The following FBXO15 variants were observed in gnomAD, a reference collection of about 807,000 sequenced individuals.
FBXO15 encodes F-box only protein 15.
Under a neutral mutation model 49.5 loss-of-function variants are expected in FBXO15, and 30 were observed. The observed-to-expected ratio is 0.61, with a 90% confidence interval of 0.45 to 0.82. FBXO15 has a LOEUF of 0.82. Ranked by LOEUF, FBXO15 falls within the 40% of genes least tolerant of loss-of-function variation. The pLI, the probability that FBXO15 is intolerant of heterozygous loss-of-function variation, is 0.00. For missense variants in FBXO15, 591 were observed against 631.5 expected (o/e 0.94, Z 0.69); for synonymous variants, 250 against 232.7 (o/e 1.07, Z -0.68).
chr18:74,085,012 G>A (rs1912676521), intron 8 of FBXO15, among the ~76,000 whole-genome samples: 1 of 152,038 alleles, frequency 6.6e-6, no homozygotes, highest in Admixed American at 6.6e-5. Context: ...ATGTGGAGAT[G>A]TGCCATGTTT....
At chr18:74,076,737 G>A (rs1053449748) in intron 9 of FBXO15, among the ~76,000 whole-genome samples, 2 of 152,182 alleles carry the variant, frequency 1.3e-5, no homozygotes, top group South Asian at 2.1e-4. Context: ...AACTTTCCAC[G>A]GCTCTCAAGA....
intron 3 of FBXO15, among the ~76,000 whole-genome samples, chr18:74,131,438 T>C (rs892194018): frequency 2.6e-5 from 4 of 152,188 alleles, no homozygotes; most frequent in African/African-American, 9.7e-5. Context: ...CACCTGGGTT[T>C]CACTGCCTCT....
intron 3 of FBXO15, among the ~76,000 whole-genome samples, chr18:74,131,963 C>A (rs1163230329): frequency 6.6e-6 from 1 of 152,158 alleles, no homozygotes; most frequent in African/African-American, 2.4e-5. Flanking sequence ...TTTGGAACAC[C>A]ACCTCCTTGA....
chr18:74,084,555 T>C (rs1431594235), intron 8 of FBXO15, among the ~76,000 whole-genome samples: 1 of 152,238 alleles, frequency 6.6e-6, no homozygotes, highest in Non-Finnish European at 1.5e-5. Flanking sequence ...GTGGCTCTCC[T>C]AGAGAGACTA....
rs543649479 is a variant in FBXO15, at chr18:74,107,184, G to C, written c.1138+16184C>G. 4.4e-3 allele frequency among the ~76,000 whole-genome samples: 612 copies of C among 139,988 alleles called. 2 individuals are homozygous for C. The highest frequency in any genetic ancestry group is 0.017 in the African/African-American group (590 of 34,498). The allele number at this position is 139,988 out of a possible 152,430, so 91.8% of individuals were successfully genotyped here. ...TAAATATATTTATGGGGTACACAGT[G>C]ATATTCTGTAAAAAAAAAAAAAACA... On this transcript the variant is annotated intron_variant, in intron 8 of 9. Transcript: ENST00000419743.
chr18:74,102,149 A>C (rs978800750), intron 8 of FBXO15, among the ~76,000 whole-genome samples: 2 of 152,194 alleles, frequency 1.3e-5, no homozygotes, highest in East Asian at 3.8e-4. Context: ...TTTTCACGGC[A>C]AAAGAACAGT....
intron 9 of FBXO15, among the ~76,000 whole-genome samples, chr18:74,081,457 T>C (rs1279748557): frequency 6.6e-6 from 1 of 152,226 alleles, no homozygotes; most frequent in East Asian, 1.9e-4. Context: ...CTCCCACCCA[T>C]GTGGCTAATC....
At chr18:74,073,767 C>T in intron 9 of FBXO15, 37 bp from the exon 10 acceptor site, 1 of 1,564,808 alleles carries the variant, frequency 6.4e-7, no homozygotes, top group Non-Finnish European at 8.6e-7. Context: ...GATAAAAAGG[C>T]CAATCAGACC....
At chr18:74,129,735 A>G in intron 4 of FBXO15, 121 bp from the exon 5 acceptor site, 1 of 764,858 alleles carries the variant, frequency 1.3e-6, no homozygotes, top group South Asian at 1.9e-5. Context: ...CAAAATTCTC[A>G]GAATGTGCCC....
intron 1 of FBXO15, among the ~76,000 whole-genome samples, chr18:74,145,212 T>C (rs1362678419): frequency 2.0e-5 from 3 of 152,266 alleles, no homozygotes; most frequent in Non-Finnish European, 2.9e-5. Flanking sequence ...CTTAATCATA[T>C]ACTCTGCACA....
At chr18:74,088,160 T>TA (rs376287708) in intron 8 of FBXO15, among the ~76,000 whole-genome samples, 1 of 152,194 alleles carries the variant, frequency 6.6e-6, no homozygotes, top group African/African-American at 2.4e-5. Context: ...GATAGGTGTC[T>TA]GTTTACTTGG....
intron 8 of FBXO15, chr18:74,097,234 C>T (rs916856999): frequency 1.3e-5 from 2 of 152,212 alleles, no homozygotes; most frequent in African/African-American, 2.4e-5. Context: ...TGTCTCCTGG[C>T]CAGAACTTGG....
At chr18:74,136,540 C>G (rs950023484) in intron 2 of FBXO15, among the ~76,000 whole-genome samples, 2 of 152,148 alleles carry the variant, frequency 1.3e-5, no homozygotes, top group African/African-American at 4.8e-5. Context: ...TCGCCCACAC[C>G]GATCCCAGGC....
At chr18:74,143,571 T>C (rs539065939) in intron 1 of FBXO15, among the ~76,000 whole-genome samples, 19 of 152,330 alleles carry the variant, frequency 1.2e-4, no homozygotes, top group African/African-American at 4.1e-4. Context: ...CACTCAAGAA[T>C]GTCCATCTCA....
At chr18:74,111,665 A>G (rs1304632195) in intron 8 of FBXO15, among the ~76,000 whole-genome samples, 2 of 151,964 alleles carry the variant, frequency 1.3e-5, no homozygotes, top group Non-Finnish European at 2.9e-5. Flanking sequence ...AACTAAGAAG[A>G]AAAAAAAGAA....
intron 8 of FBXO15, among the ~76,000 whole-genome samples, chr18:74,120,876 A>T (rs1185125752): frequency 6.6e-6 from 1 of 152,154 alleles, no homozygotes; most frequent in Non-Finnish European, 1.5e-5. Context: ...CAATAAAACC[A>T]AAAGTTAGGT....
chr18:74,121,441 C>A (rs9945428), intron 8 of FBXO15, among the ~76,000 whole-genome samples: 56,705 of 152,066 alleles, frequency 0.37, 11,964 homozygotes, highest in African/African-American at 0.56. Context: ...AAACACTCCT[C>A]AAAGACATAA....
rs1599203031 is a variant in FBXO15 at position 74,147,769 on chromosome 18, C to T, written c.17G>A (p.Gly6Asp). The T allele has an allele frequency of 2.0e-6, 3 of 1,534,936 alleles. No individual in the cohort carries two copies. The East Asian group carries it at 7.5e-5, about 39-fold the overall frequency. ...GAGCCAGTGCTGCTGCAAGATCCGA[C>T]CGCGTCCAGTCGCCATAGAGACAAG... MATGR[G>D]RILQQHWLGL... The change falls in exon 1 of 10, where the codon GGT becomes GAT. Residue 6 changes from glycine to aspartate, a missense_variant. Gly to Asp is a moderately conservative substitution (Grantham distance 94). Coordinates refer to ENST00000419743, the MANE Select transcript of FBXO15 (RefSeq NM_001142958.2).
rs137962118 is a variant in FBXO15, at chr18:74,128,563, G to A, written c.785+842C>T. 2.0e-4 allele frequency among the ~76,000 whole-genome samples: 31 copies of A among 152,308 alleles called. 1 individual carries two copies. The highest frequency in any genetic ancestry group is 1.5e-3 in the Admixed American group (23 of 15,300). ...GACAGTGAAGGAGATGGGAGGGCAG[G>A]AAACCAACGCAGGAGAAGGCAGGTA... is the stretch of plus-strand genomic sequence containing the variant. On this transcript the variant is annotated intron_variant, in intron 5 of 9. Transcript: ENST00000419743.
Sources: gnomAD v4.1 joint callset for allele counts (sites outside exome capture counted in the v4.1 genomes callset) on GRCh38, gnomAD v4.1.1 for gene constraint, MANE v1.5 for transcripts, NCBI Gene and HGNC (gene_info 2026-07-23, HGNC 2026-07-21) for gene names.